The following CUBN variants were observed in gnomAD, a reference collection of about 807,000 sequenced individuals.
CUBN encodes cubilin, also known as 460 kDa receptor.
In CUBN, 282 loss-of-function variants were observed where a neutral mutation model predicts 405.3. The ratio of observed to expected loss-of-function variants is 0.70; its 90% CI spans 0.63 to 0.77. CUBN has a LOEUF of 0.77. Among genes scored for constraint, CUBN ranks in the 30% least tolerant of loss-of-function variants. The pLI is 0.00. For synonymous variants in CUBN, 1,684 were observed against 1,617.0 expected (o/e 1.04, Z -0.99); for missense variants, 4,514 against 4,475.2 (o/e 1.01, Z -0.25).
chr10:16,926,184 G>A (rs372972872), intron 41 of CUBN, among the ~76,000 whole-genome samples: 59 of 152,298 alleles, frequency 3.9e-4, no homozygotes, highest in African/African-American at 1.4e-3. Context: ...CATCTTAGCA[G>A]AGACATGAAT....
chr10:16,902,581 C>G (rs990933487), intron 51 of CUBN, among the ~76,000 whole-genome samples: 1 of 151,928 alleles, frequency 6.6e-6, no homozygotes, highest in Non-Finnish European at 1.5e-5. Context: ...AATCAACTGG[C>G]AAGATGGTTG....
chr10:17,127,457 T>TAGAG (rs1837226383), intron 3 of CUBN, among the ~76,000 whole-genome samples: 1 of 113,882 alleles, frequency 8.8e-6, no homozygotes, highest in African/African-American at 3.0e-5. Context: ...TTTTTTTTGG[T>TAGAG]AGAGACGGAG....
chr10:16,961,591 G>A (rs960763883), intron 31 of CUBN, among the ~76,000 whole-genome samples: 1 of 151,940 alleles, frequency 6.6e-6, no homozygotes, highest in South Asian at 2.1e-4. Context: ...CCAAGCAAAG[G>A]GAACTTTTTA....
intron 31 of CUBN, among the ~76,000 whole-genome samples, chr10:16,964,239 C>G (rs551058864): frequency 6.6e-6 from 1 of 152,164 alleles, no homozygotes; most frequent in African/African-American, 2.4e-5. Context: ...CTAAGATTCA[C>G]ATATAAAGAT....
At chr10:17,042,673 T>C (rs1053473614) in intron 26 of CUBN, among the ~76,000 whole-genome samples, 1 of 152,198 alleles carries the variant, frequency 6.6e-6, no homozygotes, top group Non-Finnish European at 1.5e-5. Context: ...TTTTATGTAC[T>C]AGTGATACAT....
chr10:17,045,306 A>T (rs1379317523), intron 24 of CUBN, 118 bp from the exon 25 acceptor site: 1 of 980,666 alleles, frequency 1.0e-6, no homozygotes, highest in East Asian at 2.6e-5. Flanking sequence ...GCACAGCAAA[A>T]TGGCATCATG....
Position 16,982,565 on chromosome 10 carries a change from C to T in CUBN, c.4614G>A (p.Trp1538Ter). The change falls in exon 31 of 67, where the codon TGG (tryptophan) becomes TGA (stop). Residue 1538 changes from tryptophan (W) to a stop codon, truncating the protein, a stop_gained. Transcript: ENST00000377833. LOFTEE classifies it high-confidence loss of function. ...SPYRSNTDCS[W>*]VIRVDRNHRV... ...GATGATTTCTGTCAACCCGAATGACCCAAGAACAGTCTGTGTTGCTCCTAT... is the reference window on the plus strand; with the variant it reads ...GATGATTTCTGTCAACCCGAATGACTCAAGAACAGTCTGTGTTGCTCCTAT... 6.2e-7 allele frequency: 1 copy of T among 1,613,676 alleles called. No homozygotes were observed. Among genetic ancestry groups the T allele is most frequent in the Non-Finnish European group, 8.5e-7 (1 of 1,179,698 alleles).
At chr10:16,880,113 C>T (rs1014412464) in intron 56 of CUBN, among the ~76,000 whole-genome samples, 1 of 152,162 alleles carries the variant, frequency 6.6e-6, no homozygotes, top group Non-Finnish European at 1.5e-5. Context: ...TGAAACCTTC[C>T]AGAATTAAAA....
At chr10:16,949,241 G>C (rs927757759) in intron 34 of CUBN, among the ~76,000 whole-genome samples, 5 of 152,172 alleles carry the variant, frequency 3.3e-5, no homozygotes, top group Middle Eastern at 3.2e-3. Flanking sequence ...CAAATGCTGT[G>C]AGAGGTGTGC....
chr10:16,913,586 A>G (rs74116765), intron 48 of CUBN, among the ~76,000 whole-genome samples: 1 of 152,312 alleles, frequency 6.6e-6, no homozygotes, highest in African/African-American at 2.4e-5. Context: ...AATTTATTCT[A>G]TGACCCTGAT....
intron 14 of CUBN, among the ~76,000 whole-genome samples, chr10:17,096,292 A>G (rs909507341): frequency 1.3e-5 from 2 of 152,138 alleles, no homozygotes; most frequent in African/African-American, 2.4e-5. Context: ...TATTTTCACC[A>G]TATTGACTAA....
intron 57 of CUBN, 129 bp downstream of exon 57, chr10:16,876,764 CCTCA>C (rs1346051106): frequency 4.9e-6 from 4 of 823,594 alleles, no homozygotes; most frequent in Non-Finnish European, 8.1e-6. Context: ...TAACCATGAA[CCTCA>C]CTGACAATCT....
At position 16,888,461 on chromosome 10, in the gene CUBN, G is replaced by A; in HGVS notation, c.8861C>T (p.Pro2954Leu). 6.2e-7 allele frequency: 1 copy of A among 1,613,354 alleles called. No homozygotes were observed. Among genetic ancestry groups the A allele is most frequent in the South Asian group, 1.1e-5 (1 of 91,074 alleles). ...MNCTYVIEAN[P>L]LSVVLLTFVS... Reference sequence around the variant, plus strand: ...AAAAGTCAAGAGGACCACTGACAGAGGATTAGCCTCTATGACATAGGTGCA... The same window carrying A: ...AAAAGTCAAGAGGACCACTGACAGAAGATTAGCCTCTATGACATAGGTGCA... Residue 2954 changes from proline (P) to leucine (L), a missense_variant, in exon 56 of 67, where the codon CCT (proline) becomes CTT (leucine). Physicochemically the swap from Pro to Leu is moderately conservative, Grantham distance 98 (BLOSUM62 -3). Coordinates refer to ENST00000377833, the MANE Select transcript of CUBN (RefSeq NM_001081.4).
At chr10:17,007,243 C>G (rs897010280) in intron 28 of CUBN, among the ~76,000 whole-genome samples, 1 of 144,830 alleles carries the variant, frequency 6.9e-6, no homozygotes, top group East Asian at 2.1e-4. Flanking sequence ...CTGGACAATG[C>G]TGTCAAGGCT....
At chr10:16,982,428 G>C in intron 31 of CUBN, 56 bp downstream of exon 31, 1 of 1,438,058 alleles carries the variant, frequency 7.0e-7, no homozygotes, top group East Asian at 2.3e-5. Context: ...TGCTTATATG[G>C]CAGTGTTTTG....
chr10:16,949,434 G>GTGT (rs1842866135), intron 34 of CUBN, among the ~76,000 whole-genome samples: 2 of 108,864 alleles, frequency 1.8e-5, no homozygotes, highest in East Asian at 5.0e-4. Flanking sequence ...TAAATGGCCT[G>GTGT]GTGTGTGTGT....
At chr10:17,106,393 G>C (rs1430503494) in intron 10 of CUBN, among the ~76,000 whole-genome samples, 1 of 151,810 alleles carries the variant, frequency 6.6e-6, no homozygotes, top group Non-Finnish European at 1.5e-5. Context: ...CCTGAGGTCA[G>C]GAGTTTGAGA....
At chr10:17,064,632 G>A (rs1158050701) in intron 22 of CUBN, among the ~76,000 whole-genome samples, 1 of 152,116 alleles carries the variant, frequency 6.6e-6, no homozygotes, top group Admixed American at 6.5e-5. Context: ...AAAGCTCAGA[G>A]TCTCTAAAAA....
rs1266749303 is a variant in CUBN at position 16,825,079 on chromosome 10, T to C, written c.10768A>G (p.Thr3590Ala). Residue 3590 changes from threonine to alanine, a missense_variant, in exon 67 of 67, where the codon ACC (threonine) becomes GCC (alanine). By Grantham distance (58) the Thr-to-Ala change is moderately conservative. Coordinates refer to ENST00000377833, the MANE Select transcript of CUBN (RefSeq NM_001081.4). ...PSSGPYCGGDTSIAPFVASSN... is the reference protein window; with the variant it reads ...PSSGPYCGGDASIAPFVASSN... ...GAAGCCACGAAGGGAGCTATGCTGGTGTCCTAAAATTGAAAAAAAAAGTAT... is the reference window on the plus strand; with the variant it reads ...GAAGCCACGAAGGGAGCTATGCTGGCGTCCTAAAATTGAAAAAAAAAGTAT... 3.7e-6 allele frequency: 6 copies of C among 1,610,210 alleles called. No individual in the cohort carries two copies. The East Asian group carries it at 6.7e-5, about 18-fold the overall frequency.
Sources: allele counts gnomAD v4.1 joint callset (sites outside exome capture counted in the v4.1 genomes callset), GRCh38; gene constraint gnomAD v4.1.1; transcripts MANE v1.5; gene names NCBI Gene and HGNC (gene_info 2026-07-23, HGNC 2026-07-21).